MECR: variants seen among roughly 807,000 people sequenced by gnomAD.
MECR encodes enoyl-[acyl-carrier-protein] reductase, mitochondrial.
In MECR, 37 loss-of-function variants were observed where a neutral mutation model predicts 49.1. The ratio of observed to expected loss-of-function variants is 0.75; its 90% confidence interval spans 0.58 to 0.99. The LOEUF (loss-of-function observed/expected upper bound fraction) is 0.99. Among genes scored for constraint, MECR ranks in the 50% least tolerant of loss-of-function variants. The pLI is 0.00. For missense variants in MECR, 470 were observed against 479.6 expected, an observed-to-expected ratio of 0.98 and a Z score of 0.19; for synonymous variants, 198 against 191.1, an observed-to-expected ratio of 1.04 and a Z score of -0.30.
chr1:29,181,928 C>T, the MECR span: 5 of 429,704 alleles, frequency 1.2e-5, no homozygotes, highest in Non-Finnish European at 1.6e-5. Flanking sequence ...TTCCACTTCC[C>T]CCGCCCTTCC....
At chr1:29,192,039 C>G (rs1363976732), downstream of MECR, among the ~76,000 whole-genome samples, 1 of 152,152 alleles carries the variant, frequency 6.6e-6, no homozygotes. Flanking sequence ...CTGCAGCGAG[C>G]CAAGATCGCC....
At chr1:29,203,067 G>A (rs561304417) in intron 5 of MECR, 64 bp downstream of exon 5, 378 of 1,356,272 alleles carry the variant, frequency 2.8e-4, no homozygotes, top group Non-Finnish European at 3.6e-4. Context: ...ACTGGGCACC[G>A]CAGGGATGGG....
At chr1:29,223,241 T>A in intron 1 of MECR, 1 of 985,216 alleles carries the variant, frequency 1.0e-6, no homozygotes, top group East Asian at 1.1e-4. Flanking sequence ...AATGGCTCCT[T>A]TGAGGCCAAG....
chr1:29,197,590 G>A (rs1363637878), intron 7 of MECR, among the ~76,000 whole-genome samples: 1 of 152,160 alleles, frequency 6.6e-6, no homozygotes, highest in African/African-American at 2.4e-5. Flanking sequence ...GGCACATTTG[G>A]GGACAACACA....
At chr1:29,198,188 T>C (rs1176340275) in intron 7 of MECR, among the ~76,000 whole-genome samples, 4 of 152,162 alleles carry the variant, frequency 2.6e-5, no homozygotes, top group Non-Finnish European at 1.5e-5. Context: ...CAGGTGGCCA[T>C]GCTCGCTCAC....
chr1:29,199,121 G>A (rs552304597), intron 7 of MECR, among the ~76,000 whole-genome samples: 1 of 152,312 alleles, frequency 6.6e-6, no homozygotes, highest in South Asian at 2.1e-4. Context: ...TCTGTACCTG[G>A]TAGCTAGTAA....
intron 3 of MECR, among the ~76,000 whole-genome samples, chr1:29,212,346 G>T (rs1453445582): frequency 2.0e-5 from 3 of 152,158 alleles, no homozygotes; most frequent in African/African-American, 7.2e-5. Context: ...TTGAACCCAT[G>T]AGGTGGAGGT....
chr1:29,201,897 G>C lies in MECR; in HGVS notation c.756+46C>G, dbSNP rs550930110. On this transcript the variant is annotated intron_variant, in intron 6 of 9. Transcript: ENST00000263702. This position sits in a 1 kb window ranked among gnomAD's most constrained non-coding sequence, Gnocchi z 4.3. ...TCTAATGCATGTCAACTTTCTTCAG[G>C]GAGATGTGCGTGGACTGGAGGGGCA... is the stretch of plus-strand genomic sequence containing the variant. The C allele has an allele frequency of 2.8e-6, 4 of 1,452,248 alleles. No individual in the cohort carries two copies. Among genetic ancestry groups the C allele is most frequent in the Non-Finnish European group, 3.9e-6 (4 of 1,033,590 alleles). The allele number at this position is 1,452,248 out of a possible 1,614,324, so 90.0% of individuals were successfully genotyped here.
At chr1:29,185,527 T>C in the MECR span, among the ~76,000 whole-genome samples, 1 of 152,192 alleles carries the variant, frequency 6.6e-6, no homozygotes, top group South Asian at 2.1e-4. Flanking sequence ...GTGATTCTCC[T>C]GCCTCAGCCT....
intron 4 of MECR, among the ~76,000 whole-genome samples, chr1:29,205,155 C>T (rs1394449699): frequency 6.6e-6 from 1 of 151,966 alleles, no homozygotes; most frequent in Admixed American, 6.6e-5. Context: ...CCCAGCCTCT[C>T]ATCATTCAAG....
chr1:29,207,588 A>G (rs1199581403), intron 3 of MECR, among the ~76,000 whole-genome samples: 3 of 152,002 alleles, frequency 2.0e-5, no homozygotes, highest in Non-Finnish European at 4.4e-5. Context: ...GAAAAAAAAA[A>G]AAAAAAAATT....
At chr1:29,213,730 T>A (rs1021094752) in intron 3 of MECR, among the ~76,000 whole-genome samples, 2 of 152,264 alleles carry the variant, frequency 1.3e-5, no homozygotes, top group African/African-American at 4.8e-5. Context: ...TCTAACTCCA[T>A]CACTTTTGGC....
At chr1:29,230,092 T>C (rs1047571309) in intron 1 of MECR, among the ~76,000 whole-genome samples, 1 of 152,180 alleles carries the variant, frequency 6.6e-6, no homozygotes, top group Non-Finnish European at 1.5e-5. Flanking sequence ...AAGATGCATA[T>C]ACGGTGCAGT....
intron 1 of MECR, chr1:29,229,142 T>A (rs1423658690): frequency 6.6e-6 from 1 of 152,242 alleles, no homozygotes; most frequent in Non-Finnish European, 1.5e-5. Flanking sequence ...GTGGCTAGGC[T>A]GATTGGATGA....
chr1:29,216,835 T>G, intron 1 of MECR, 150 bp from the exon 2 acceptor site: 2 of 1,473,860 alleles, frequency 1.4e-6, no homozygotes, highest in Non-Finnish European at 1.8e-6. Flanking sequence ...AGAGGTACCA[T>G]AAGAAATCAA....
At chr1:29,186,034 C>G in the MECR span, among the ~76,000 whole-genome samples, 2 of 152,090 alleles carry the variant, frequency 1.3e-5, no homozygotes, top group African/African-American at 4.8e-5. Flanking sequence ...AACAAAAATC[C>G]TAGCACTAAG....
At chr1:29,182,604 C>T in the MECR span, among the ~76,000 whole-genome samples, 1 of 151,668 alleles carries the variant, frequency 6.6e-6, no homozygotes, top group Admixed American at 6.6e-5. Context: ...AGTGCAGTGG[C>T]GCGACCTCAG....
the MECR span, among the ~76,000 whole-genome samples, chr1:29,187,090 T>C: frequency 9.9e-5 from 15 of 152,232 alleles, no homozygotes; most frequent in African/African-American, 3.6e-4. Flanking sequence ...CATTTCCAGC[T>C]GCTGTGGCTT....
chr1:29,202,852 C>T (rs1364350059), intron 5 of MECR, among the ~76,000 whole-genome samples: 1 of 152,158 alleles, frequency 6.6e-6, no homozygotes, highest in Non-Finnish European at 1.5e-5. Context: ...TATCACAAGC[C>T]AAGAGTCTCA....
Sources: allele counts gnomAD v4.1 joint callset (sites outside exome capture counted in the v4.1 genomes callset), GRCh38; gene constraint gnomAD v4.1.1; non-coding constraint Gnocchi (gnomAD v3.1); transcripts MANE v1.5; gene names NCBI Gene and HGNC (gene_info 2026-07-23, HGNC 2026-07-21).